Variants in CRADD observed in about 807,000 individuals in gnomAD.
CRADD encodes CARD and death domain containing adaptor protein.
CRADD carries 9 observed loss-of-function variants against 15.5 expected under a neutral mutation model. That is an observed-to-expected ratio of 0.58 (90% confidence interval 0.35 to 1.01). CRADD has a LOEUF of 1.01. Among genes scored for constraint, CRADD ranks in the 50% least tolerant of loss-of-function variants. CRADD has a pLI of 0.02. For missense variants in CRADD, 227 were observed against 250.3 expected (o/e 0.91, Z 0.63); for synonymous variants, 118 against 107.6 (o/e 1.10, Z -0.60).
At chr12:93,887,444 G>A (rs112711773) in intron 2 of CRADD, among the ~76,000 whole-genome samples, 1,530 of 152,334 alleles carry the variant, frequency 0.01, 16 homozygotes, top group Non-Finnish European at 0.014. Flanking sequence ...TGTCCGTCTG[G>A]CAAGAAGAAA....
chr12:93,822,618 G>A (rs957562011), intron 2 of CRADD, among the ~76,000 whole-genome samples: 5 of 152,176 alleles, frequency 3.3e-5, no homozygotes, highest in South Asian at 2.1e-4. Flanking sequence ...CCCAAAAAGA[G>A]GCCATGGGAG....
chr12:93,685,288 G>A (rs1414389206), intron 2 of CRADD, among the ~76,000 whole-genome samples: 1 of 152,154 alleles, frequency 6.6e-6, no homozygotes, highest in Non-Finnish European at 1.5e-5. Context: ...AAGGGTATGA[G>A]GGAGGCAGGG....
chr12:93,835,690 A>G (rs961568777), intron 2 of CRADD, among the ~76,000 whole-genome samples: 1 of 152,104 alleles, frequency 6.6e-6, no homozygotes, highest in Non-Finnish European at 1.5e-5. Flanking sequence ...TGTTAATTCT[A>G]TTCCTTGGTG....
rs1957130383 is a variant in CRADD, at chr12:93,775,394, C to T, written c.299-74576C>T. On this transcript the variant is annotated intron_variant, in intron 2 of 2. Coordinates refer to ENST00000332896, the MANE Select transcript of CRADD (RefSeq NM_003805.5). Reference sequence around the variant, plus strand: ...CACCCGTGTAGAGGATGTGCAAACACGTATATAGGTTTGCATTAGGAGGCC... The same window carrying T: ...CACCCGTGTAGAGGATGTGCAAACATGTATATAGGTTTGCATTAGGAGGCC... Among the ~76,000 whole-genome samples, 3 of 152,044 alleles carry T rather than the reference C, an allele frequency of 2.0e-5. No individual in the cohort carries two copies. In the South Asian group the frequency reaches 6.2e-4, roughly 32 times the overall value.
At chr12:93,876,623 A>G (rs1043116902) in intron 2 of CRADD, among the ~76,000 whole-genome samples, 1 of 151,978 alleles carries the variant, frequency 6.6e-6, no homozygotes, top group East Asian at 1.9e-4. Context: ...TGCATTCTTT[A>G]GTATACCAAT....
At position 93,678,921 on chromosome 12, in the gene CRADD, A is replaced by G. The variant is rs777973744; in HGVS notation, c.147A>G (p.Thr49=). Residue 49 remains threonine (T), a synonymous_variant, in exon 2 of 3, where the codon ACA becomes ACG. Coordinates refer to ENST00000332896, the MANE Select transcript of CRADD (RefSeq NM_003805.5). ...NHIQEINAQT[T]GLRKTMLLLD... ...TTCAAGAAATCAATGCTCAAACCACAGGCCTCCGGAAAACAATGCTCCTGC... is the reference window on the plus strand; with the variant it reads ...TTCAAGAAATCAATGCTCAAACCACGGGCCTCCGGAAAACAATGCTCCTGC... The G allele has an allele frequency of 1.2e-6, 2 of 1,614,112 alleles. No individual in the cohort carries two copies. Among genetic ancestry groups the G allele is most frequent in the African/African-American group, 1.3e-5 (1 of 74,932 alleles).
chr12:93,807,644 C>A (rs766595100), intron 2 of CRADD, among the ~76,000 whole-genome samples: 2 of 151,996 alleles, frequency 1.3e-5, no homozygotes, highest in African/African-American at 2.4e-5. Context: ...CTATGAGAAT[C>A]TATGAGAGGT....
At chr12:93,742,966 G>T (rs1956699731) in intron 2 of CRADD, among the ~76,000 whole-genome samples, 1 of 152,170 alleles carries the variant, frequency 6.6e-6, no homozygotes, top group African/African-American at 2.4e-5. Flanking sequence ...CTTTTGAAAA[G>T]AAATCCTGCA....
intron 2 of CRADD, among the ~76,000 whole-genome samples, chr12:93,879,346 C>G (rs1006748135): frequency 6.6e-6 from 1 of 152,154 alleles, no homozygotes; most frequent in Non-Finnish European, 1.5e-5. Context: ...CATTTGCTCT[C>G]TCCTCAGAAT....
intron 2 of CRADD, among the ~76,000 whole-genome samples, chr12:93,697,526 G>A (rs569535677): frequency 1.3e-5 from 2 of 152,138 alleles, no homozygotes; most frequent in African/African-American, 4.8e-5. Flanking sequence ...TGGACTGCCA[G>A]TTTTCGTATT....
At chr12:93,840,071 A>T (rs1958029470) in intron 2 of CRADD, among the ~76,000 whole-genome samples, 1 of 152,162 alleles carries the variant, frequency 6.6e-6, no homozygotes, top group Non-Finnish European at 1.5e-5. Context: ...GCTCTAGGCC[A>T]GTTTTCTTTT....
At chr12:93,774,115 C>T (rs1365911732) in intron 2 of CRADD, among the ~76,000 whole-genome samples, 1 of 151,696 alleles carries the variant, frequency 6.6e-6, no homozygotes, top group Non-Finnish European at 1.5e-5. Flanking sequence ...GGATTACAGG[C>T]ATGAGCCACT....
chr12:93,789,419 C>T (rs1592992184), intron 2 of CRADD, among the ~76,000 whole-genome samples: 1 of 152,198 alleles, frequency 6.6e-6, no homozygotes, highest in East Asian at 1.9e-4. Flanking sequence ...TATTTCTAAT[C>T]ACTTTAGAGA....
At chr12:93,757,177 T>G (rs1956900322) in intron 2 of CRADD, among the ~76,000 whole-genome samples, 1 of 152,232 alleles carries the variant, frequency 6.6e-6, no homozygotes, top group Non-Finnish European at 1.5e-5. Flanking sequence ...CAAGATCATT[T>G]GGGAAACATT....
intron 2 of CRADD, chr12:93,831,073 A>G (rs977461313): frequency 2.6e-5 from 4 of 152,196 alleles, no homozygotes; most frequent in East Asian, 1.9e-4. Context: ...AATTTGAAAC[A>G]TTGCCAGGCA....
chr12:93,864,919 T>C (rs1958351637), intron 2 of CRADD, among the ~76,000 whole-genome samples: 1 of 152,200 alleles, frequency 6.6e-6, no homozygotes, highest in Admixed American at 6.5e-5. Flanking sequence ...AAGGAGGCAA[T>C]GAGAGAGTAT....
At chr12:93,682,620 TG>T (rs1466700935) in intron 2 of CRADD, among the ~76,000 whole-genome samples, 5 of 152,228 alleles carry the variant, frequency 3.3e-5, no homozygotes, top group African/African-American at 1.2e-4. Flanking sequence ...GGCTTTATTT[TG>T]GTGATTGTTC....
At chr12:93,694,190 A>G (rs1052804349) in intron 2 of CRADD, among the ~76,000 whole-genome samples, 1 of 152,178 alleles carries the variant, frequency 6.6e-6, no homozygotes, top group Non-Finnish European at 1.5e-5. Flanking sequence ...AATATGACAT[A>G]CCACATTAAC....
chr12:93,854,897 T>A (rs373535959), downstream of CRADD, among the ~76,000 whole-genome samples: 12 of 152,226 alleles, frequency 7.9e-5, no homozygotes, highest in African/African-American at 2.4e-4. Context: ...TAAAAACTTT[T>A]AAAAAATATT....
Sources: allele counts gnomAD v4.1 joint callset (sites outside exome capture counted in the v4.1 genomes callset), GRCh38; gene constraint gnomAD v4.1.1; transcripts MANE v1.5; gene names NCBI Gene and HGNC (gene_info 2026-07-23, HGNC 2026-07-21).